The following CNTN4 variants were observed in gnomAD, a reference collection of about 807,000 sequenced individuals.
CNTN4 encodes the protein contactin-4.
A neutral mutation model predicts 122.5 loss-of-function variants in CNTN4; 77 were observed. The observed-to-expected ratio is 0.63, with a 90% CI of 0.52 to 0.76. The LOEUF is 0.76. Among genes scored for constraint, CNTN4 ranks in the 30% least tolerant of loss-of-function variants. The pLI, the probability that CNTN4 is intolerant of heterozygous loss-of-function variation, is 0.00. For missense variants in CNTN4, 1,256 were observed against 1,259.1 expected, an observed-to-expected ratio of 1.00 and a Z score of 0.04; for synonymous variants, 512 against 447.0, an observed-to-expected ratio of 1.15 and a Z score of -1.83.
intron 3 of CNTN4, among the ~76,000 whole-genome samples, chr3:2,520,142 C>T (rs2077157084): frequency 6.6e-6 from 1 of 150,978 alleles, no homozygotes; most frequent in African/African-American, 2.4e-5. Context: ...GGTCAATAGA[C>T]TATATTGTAG....
chr3:2,778,190 G>A (rs1307085882), intron 6 of CNTN4, among the ~76,000 whole-genome samples: 3 of 117,904 alleles, frequency 2.5e-5, no homozygotes, highest in Admixed American at 8.7e-5. Flanking sequence ...CTCCAGCCTG[G>A]GCGACAGAGC....
chr3:2,738,304 A>G (rs2089262748), intron 5 of CNTN4, among the ~76,000 whole-genome samples: 1 of 152,234 alleles, frequency 6.6e-6, no homozygotes, highest in Non-Finnish European at 1.5e-5. Context: ...TGACTTCTCA[A>G]TAGCAACAAA....
At chr3:2,381,827 A>G (rs2046034146) in intron 3 of CNTN4, among the ~76,000 whole-genome samples, 2 of 152,188 alleles carry the variant, frequency 1.3e-5, no homozygotes, top group South Asian at 2.1e-4. Flanking sequence ...GAAAATATTC[A>G]GAAAACATAT....
At chr3:2,175,364 C>T (rs1428972446) in intron 2 of CNTN4, among the ~76,000 whole-genome samples, 1 of 152,066 alleles carries the variant, frequency 6.6e-6, no homozygotes, top group African/African-American at 2.4e-5. Context: ...GTTTACCATC[C>T]TTCTCCTTAG....
At chr3:2,691,343 A>G (rs2085728868) in intron 4 of CNTN4, among the ~76,000 whole-genome samples, 1 of 152,194 alleles carries the variant, frequency 6.6e-6, no homozygotes, top group African/African-American at 2.4e-5. Flanking sequence ...AAAGAGTCTG[A>G]AACATAATTT....
chr3:2,662,241 T>G (rs941572351), intron 4 of CNTN4, among the ~76,000 whole-genome samples: 2 of 152,140 alleles, frequency 1.3e-5, no homozygotes, highest in African/African-American at 4.8e-5. Flanking sequence ...TGTTGAAGAG[T>G]AGTACTGACT....
At chr3:2,328,411 A>T (rs985605747) in intron 2 of CNTN4, among the ~76,000 whole-genome samples, 1 of 152,324 alleles carries the variant, frequency 6.6e-6, no homozygotes, top group South Asian at 2.1e-4. Context: ...GTCTCAAAAA[A>T]TAAAAAAATA....
At chr3:2,266,295 G>A (rs1424180576) in intron 2 of CNTN4, among the ~76,000 whole-genome samples, 2 of 152,026 alleles carry the variant, frequency 1.3e-5, no homozygotes, top group African/African-American at 4.8e-5. Context: ...TTTATTTCAT[G>A]CACAAGTGTT....
chr3:2,556,607 G>A (rs2078731016), intron 3 of CNTN4, among the ~76,000 whole-genome samples: 1 of 151,844 alleles, frequency 6.6e-6, no homozygotes, highest in Admixed American at 6.6e-5. Context: ...TTATATATGT[G>A]TGCATATATA....
chr3:2,906,898 A>G (rs1298342420), intron 12 of CNTN4, among the ~76,000 whole-genome samples: 1 of 151,962 alleles, frequency 6.6e-6, no homozygotes, highest in Non-Finnish European at 1.5e-5. Flanking sequence ...AGAAGTCATT[A>G]AGGACCAATT....
At chr3:2,883,502 A>G (rs2093936016) in intron 9 of CNTN4, among the ~76,000 whole-genome samples, 1 of 152,174 alleles carries the variant, frequency 6.6e-6, no homozygotes, top group African/African-American at 2.4e-5. Flanking sequence ...CTGAAAAAGT[A>G]TTTTGTTCTA....
chr3:2,101,149 A>G (rs2031916005), intron 2 of CNTN4, among the ~76,000 whole-genome samples: 1 of 152,166 alleles, frequency 6.6e-6, no homozygotes, highest in Non-Finnish European at 1.5e-5. Flanking sequence ...CTTTCAAATG[A>G]TGTTGGATTT....
chr3:2,784,412 G>T (rs545866714), intron 6 of CNTN4, among the ~76,000 whole-genome samples: 1 of 152,286 alleles, frequency 6.6e-6, no homozygotes, highest in East Asian at 1.9e-4. Flanking sequence ...ACAATATAGG[G>T]AGAATATAAT....
intron 3 of CNTN4, among the ~76,000 whole-genome samples, chr3:2,366,542 A>G (rs936099979): frequency 6.6e-5 from 10 of 152,096 alleles, no homozygotes; most frequent in Non-Finnish European, 1.0e-4. Flanking sequence ...CCTGGCTAAC[A>G]TGGTGAAACC....
chr3:3,040,529 A>G (rs2125765894), intron 20 of CNTN4: 2 of 530,064 alleles, frequency 3.8e-6, no homozygotes, highest in South Asian at 4.2e-5. Context: ...AATACCATAT[A>G]AGATCTTCAT....
chr3:3,031,240 T>C (rs189725688), intron 16 of CNTN4, among the ~76,000 whole-genome samples: 1 of 152,318 alleles, frequency 6.6e-6, no homozygotes, highest in Admixed American at 6.5e-5. Flanking sequence ...TTACGGCTGT[T>C]GGAGTTGATA....
chr3:2,830,318 C>T (rs942639609), intron 7 of CNTN4, among the ~76,000 whole-genome samples: 1 of 152,172 alleles, frequency 6.6e-6, no homozygotes, highest in African/African-American at 2.4e-5. Flanking sequence ...AAAAGATTAT[C>T]TCCAGGTTTG....
chr3:2,626,971 C>G (rs958480597), intron 4 of CNTN4, among the ~76,000 whole-genome samples: 1 of 152,204 alleles, frequency 6.6e-6, no homozygotes, highest in African/African-American at 2.4e-5. Flanking sequence ...TTTTGTGTGT[C>G]CATACTCAGT....
chr3:2,561,527 T>G (rs1186930733), intron 3 of CNTN4, among the ~76,000 whole-genome samples: 1 of 152,128 alleles, frequency 6.6e-6, no homozygotes, highest in East Asian at 1.9e-4. Flanking sequence ...GTGTGCTCCC[T>G]GTATTTGTGG....
Sources: allele counts gnomAD v4.1 joint callset (sites outside exome capture counted in the v4.1 genomes callset), GRCh38; gene constraint gnomAD v4.1.1; transcripts MANE v1.5; gene names NCBI Gene and HGNC (gene_info 2026-07-23, HGNC 2026-07-21).